The following NRXN1 variants were observed in gnomAD, a reference collection of about 807,000 sequenced individuals.
NRXN1 encodes neurexin 1, also known as neurexin-1.
Under a neutral mutation model 150.9 loss-of-function variants are expected in NRXN1, and 39 were observed. The observed-to-expected ratio is 0.26, with a 90% CI of 0.20 to 0.34. The LOEUF (loss-of-function observed/expected upper bound fraction) is 0.34. NRXN1 is among the 10% of genes least tolerant of loss of function. NRXN1 has a pLI of 1.00. For missense variants in NRXN1, 1,815 were observed against 1,949.9 expected (o/e 0.93, Z 1.30); for synonymous variants, 924 against 757.0 (o/e 1.22, Z -3.62).
At chr2:50,164,407 G>C (rs956066649) in intron 18 of NRXN1, among the ~76,000 whole-genome samples, 5 of 152,166 alleles carry the variant, frequency 3.3e-5, no homozygotes, top group African/African-American at 1.2e-4. Context: ...AGAAGGCAGA[G>C]AAGACCATAA....
At chr2:50,076,338 T>G (rs1470433947) in intron 19 of NRXN1, among the ~76,000 whole-genome samples, 1 of 151,258 alleles carries the variant, frequency 6.6e-6, no homozygotes, top group Admixed American at 6.6e-5. Flanking sequence ...ACTATTGCAG[T>G]TGCAGGATTG....
At chr2:50,549,720 A>G (rs999308339) in intron 9 of NRXN1, among the ~76,000 whole-genome samples, 4 of 152,216 alleles carry the variant, frequency 2.6e-5, no homozygotes, top group African/African-American at 4.8e-5. Context: ...TGGATGAATT[A>G]AAGAGCTTAA....
At chr2:50,586,735 G>T (rs540694975) in intron 8 of NRXN1, among the ~76,000 whole-genome samples, 1 of 152,256 alleles carries the variant, frequency 6.6e-6, no homozygotes, top group Admixed American at 6.5e-5. Flanking sequence ...CTAAGTGGAA[G>T]GGGTTGGAAA....
At chr2:51,018,826 T>C (rs1259806929) in intron 2 of NRXN1, among the ~76,000 whole-genome samples, 1 of 152,108 alleles carries the variant, frequency 6.6e-6, no homozygotes, top group South Asian at 2.1e-4. Flanking sequence ...AGGACAAAAA[T>C]TTGTTGTAAT....
chr2:50,582,105 T>A (rs376950550), intron 8 of NRXN1, among the ~76,000 whole-genome samples: 1 of 152,106 alleles, frequency 6.6e-6, no homozygotes, highest in Non-Finnish European at 1.5e-5. Context: ...CCGGGAAGAT[T>A]TGGTTGATCT....
intron 17 of NRXN1, among the ~76,000 whole-genome samples, chr2:50,267,508 G>A (rs1202552647): frequency 6.6e-6 from 1 of 152,090 alleles, no homozygotes; most frequent in African/African-American, 2.4e-5. Flanking sequence ...AAATGAATAA[G>A]ACTACCAACT....
intron 17 of NRXN1, among the ~76,000 whole-genome samples, chr2:50,460,791 C>T (rs1373052879): frequency 6.6e-6 from 1 of 151,942 alleles, no homozygotes; most frequent in East Asian, 1.9e-4. Context: ...AAGGTGTTTT[C>T]AGTAAAGATT....
intron 5 of NRXN1, among the ~76,000 whole-genome samples, chr2:50,809,881 T>G (rs1365109153): frequency 1.3e-5 from 2 of 152,170 alleles, no homozygotes; most frequent in African/African-American, 4.8e-5. Flanking sequence ...ATTCTGTTCT[T>G]TCAACAATGA....
At chr2:50,312,932 C>A (rs2075296215) in intron 17 of NRXN1, among the ~76,000 whole-genome samples, 1 of 152,060 alleles carries the variant, frequency 6.6e-6, no homozygotes, top group Non-Finnish European at 1.5e-5. Flanking sequence ...TGATGGAGTT[C>A]TTGGGGCTTT....
chr2:50,061,690 CT>C (rs750916088), intron 19 of NRXN1, among the ~76,000 whole-genome samples: 4 of 152,256 alleles, frequency 2.6e-5, no homozygotes, highest in Non-Finnish European at 4.4e-5. Flanking sequence ...AAAGCAGAGC[CT>C]TCTCATTGAA....
At chr2:50,124,399 A>G (rs999652270) in intron 18 of NRXN1, among the ~76,000 whole-genome samples, 2 of 152,126 alleles carry the variant, frequency 1.3e-5, no homozygotes, top group African/African-American at 4.8e-5. Context: ...TCTGAACATC[A>G]TTTTTCATAT....
Position 50,571,724 on chromosome 2 carries a change from T to C in NRXN1, c.1321-18699A>G, listed in dbSNP as rs116243277. 1.6e-3 allele frequency among the ~76,000 whole-genome samples: 247 copies of C among 152,072 alleles called. 2 individuals carry two copies. The highest frequency in any genetic ancestry group is 5.9e-3 in the African/African-American group (243 of 41,478). ...TGGGAGGTGCCTAGGAACCATAGAG[T>C]ATATTGCAGAAAAGCAAATAACTAA... is the stretch of plus-strand genomic sequence containing the variant. On this transcript the variant is annotated intron_variant, in intron 8 of 22. Transcript: ENST00000401669.
chr2:50,339,200 T>C (rs6713614), intron 17 of NRXN1, among the ~76,000 whole-genome samples: 18,690 of 152,176 alleles, frequency 0.12, 3,444 homozygotes, highest in African/African-American at 0.4. Context: ...AAAAGCACTC[T>C]TTTACAATCT....
At chr2:50,107,848 TTGGCTC>T (rs1701890408) in intron 18 of NRXN1, among the ~76,000 whole-genome samples, 2 of 152,034 alleles carry the variant, frequency 1.3e-5, no homozygotes, top group South Asian at 4.1e-4. Flanking sequence ...TGAACAGTAT[TTGGCTC>T]ATAATGGTCA....
intron 2 of NRXN1, among the ~76,000 whole-genome samples, chr2:50,978,716 T>A (rs1484559416): frequency 2.6e-5 from 4 of 152,064 alleles, no homozygotes; most frequent in Non-Finnish European, 4.4e-5. Flanking sequence ...GGAGCACGTC[T>A]ATTTGATATT....
chr2:50,712,331 A>T (rs553602195), intron 5 of NRXN1, among the ~76,000 whole-genome samples: 70 of 151,976 alleles, frequency 4.6e-4, no homozygotes, highest in Non-Finnish European at 7.5e-4. Context: ...GCTATTTTTT[A>T]AAAAAAATTG....
At chr2:50,154,499 C>T (rs575886393) in intron 18 of NRXN1, among the ~76,000 whole-genome samples, 95 of 151,432 alleles carry the variant, frequency 6.3e-4, no homozygotes, top group Non-Finnish European at 1.1e-3. Context: ...GCTTTCTATC[C>T]GGTAAAAACA....
At chr2:50,062,041 T>C (rs922754217) in intron 19 of NRXN1, among the ~76,000 whole-genome samples, 1 of 152,114 alleles carries the variant, frequency 6.6e-6, no homozygotes, top group Non-Finnish European at 1.5e-5. Flanking sequence ...AGGTATTAAA[T>C]ATCATTAATA....
intron 17 of NRXN1, among the ~76,000 whole-genome samples, chr2:50,323,836 A>G (rs1044500437): frequency 6.6e-6 from 1 of 152,238 alleles, no homozygotes; most frequent in African/African-American, 2.4e-5. Context: ...CAAGTTGACC[A>G]AAGTATTACT....
Sources: gnomAD v4.1 joint callset for allele counts (sites outside exome capture counted in the v4.1 genomes callset) on GRCh38, gnomAD v4.1.1 for gene constraint, MANE v1.5 for transcripts, NCBI Gene and HGNC (gene_info 2026-07-23, HGNC 2026-07-21) for gene names.